AR: variants seen among roughly 807,000 people sequenced by gnomAD.
AR encodes dihydrotestosterone receptor.
In AR, 8 loss-of-function variants were observed where a neutral mutation model predicts 53.9. That is an observed-to-expected ratio of 0.15 (90% CI 0.09 to 0.27). The LOEUF is 0.27. AR is among the 10% of genes least tolerant of loss of function. The pLI, the probability that AR is intolerant of heterozygous loss-of-function variation, is 1.00. For synonymous variants in AR, 359 were observed against 316.4 expected, an observed-to-expected ratio of 1.13 and a Z score of -1.43; for missense variants, 639 against 742.5, an observed-to-expected ratio of 0.86 and a Z score of 1.62.
At chrX:67,688,960 T>A (rs1438178503) in intron 3 of AR, among the ~76,000 whole-genome samples, 1 of 111,717 alleles carries the variant, frequency 9.0e-6, no homozygotes, top group Non-Finnish European at 1.9e-5. Flanking sequence ...ATTGATTACC[T>A]TGAAGAAGAA....
intron 1 of AR, among the ~76,000 whole-genome samples, chrX:67,631,783 G>T (rs1199871366): frequency 8.9e-6 from 1 of 112,200 alleles, no homozygotes; most frequent in Non-Finnish European, 1.9e-5. Flanking sequence ...TCTACTTTTG[G>T]TGTTTGATGA....
At chrX:67,598,351 C>T (rs1200342397) in intron 1 of AR, among the ~76,000 whole-genome samples, 2 of 106,103 alleles carry the variant, frequency 1.9e-5, no homozygotes, top group Non-Finnish European at 3.9e-5. Flanking sequence ...GGCACGATCT[C>T]GGCTCACTGC....
intron 1 of AR, among the ~76,000 whole-genome samples, chrX:67,585,086 T>C (rs1354153867): frequency 2.7e-5 from 3 of 110,590 alleles, no homozygotes; most frequent in African/African-American, 9.9e-5. Flanking sequence ...TGAAACCCCA[T>C]GTCTACTAAA....
At chrX:67,664,077 A>G (rs748866166) in intron 2 of AR, among the ~76,000 whole-genome samples, 10 of 111,380 alleles carry the variant, frequency 9.0e-5, no homozygotes, top group Non-Finnish European at 1.7e-4. Flanking sequence ...TTCCTCCTTT[A>G]GCTCAGAGTA....
intron 2 of AR, among the ~76,000 whole-genome samples, chrX:67,666,016 T>C (rs1927245397): frequency 1.8e-5 from 2 of 111,709 alleles, no homozygotes; most frequent in Non-Finnish European, 3.8e-5. Context: ...TCACCAGAGT[T>C]AATGGGGTAT....
Position 67,728,574 on chromosome X carries a change from A to AATTATATATAT in AR, c.*4735_*4736insTATATATATAT, listed in dbSNP as rs2076167278. ...ATTTGTATCCATGTTTCAAAATTGAAATATATATATATATATATATATATA... is the reference window on the plus strand; with the variant it reads ...ATTTGTATCCATGTTTCAAAATTGAAATTATATATATATATATATATATATATATATATATA... On this transcript the variant is annotated 3_prime_UTR_variant, in exon 8 of 8. Transcript: ENST00000374690. The AATTATATATAT allele has an allele frequency of 3.4e-5, 1 of 29,775 alleles. No individual in the cohort carries two copies. Among genetic ancestry groups the AATTATATATAT allele is most frequent in the Non-Finnish European group, 5.6e-5 (1 of 17,829 alleles). The allele number at this position is 29,775 out of a possible 1,213,427, so 2.5% of individuals were successfully genotyped here. A position where few individuals can be genotyped will look rare whatever the true frequency, so the allele number is the denominator to read the frequency against.
Position 67,633,802 on chromosome X carries a change from G to A in AR, c.1617-9454G>A, listed in dbSNP as rs73532395. On this transcript the variant is annotated intron_variant, in intron 1 of 7. Coordinates refer to ENST00000374690, the MANE Select transcript of AR (RefSeq NM_000044.6). ...GAAAACATTATGCTAGGTGAAAAAA[G>A]CAACTCACAAAAGACTACACTGTAT... 8.6e-3 allele frequency among the ~76,000 whole-genome samples: 958 copies of A among 111,514 alleles called. 13 individuals carry two copies. The highest frequency in any genetic ancestry group is 0.03 in the African/African-American group (915 of 30,700).
intron 1 of AR, among the ~76,000 whole-genome samples, chrX:67,617,207 C>T (rs746884653): frequency 2.6e-4 from 29 of 111,318 alleles, no homozygotes; most frequent in Admixed American, 2.1e-3. Flanking sequence ...GATATTGAGA[C>T]GATTAAATAA....
intron 3 of AR, among the ~76,000 whole-genome samples, chrX:67,689,036 G>T (rs909965015): frequency 9.0e-6 from 1 of 111,039 alleles, no homozygotes; most frequent in African/African-American, 3.3e-5. Context: ...TTCCAAAATG[G>T]CAACTAGGAA....
intron 3 of AR, among the ~76,000 whole-genome samples, chrX:67,693,587 G>T (rs915664307): frequency 1.8e-5 from 2 of 111,907 alleles, no homozygotes; most frequent in African/African-American, 6.5e-5. Context: ...ACCTGAGCAA[G>T]CTGCTTTTTG....
chrX:67,692,854 G>T (rs1433928836), intron 3 of AR, among the ~76,000 whole-genome samples: 1 of 111,319 alleles, frequency 9.0e-6, no homozygotes, highest in Non-Finnish European at 1.9e-5. Flanking sequence ...TTGTTCTTTG[G>T]TCTGTAAATT....
At chrX:67,703,760 A>G (rs1363526963) in intron 3 of AR, among the ~76,000 whole-genome samples, 3 of 111,273 alleles carry the variant, frequency 2.7e-5, no homozygotes, top group Admixed American at 9.6e-5. Context: ...CTCCTTATTT[A>G]CATTAAGTAT....
chrX:67,694,588 G>A, intron 3 of AR: 1 of 1,134,904 alleles, frequency 8.8e-7, no homozygotes, highest in Non-Finnish European at 1.2e-6. Context: ...TAGAGGATCT[G>A]TCTTAGGCAT....
chrX:67,662,024 G>A (rs1480129986), intron 2 of AR, among the ~76,000 whole-genome samples: 1 of 111,675 alleles, frequency 9.0e-6, no homozygotes, highest in Admixed American at 9.5e-5. Flanking sequence ...ACTTCTGTGG[G>A]ATCGGTGATT....
intron 3 of AR, among the ~76,000 whole-genome samples, chrX:67,705,972 A>C (rs1470389011): frequency 1.8e-5 from 2 of 112,127 alleles, no homozygotes; most frequent in African/African-American, 6.5e-5. Flanking sequence ...ATGTGGAACC[A>C]GTCTTGCATC....
chrX:67,662,662 T>C (rs1926998909), intron 2 of AR, among the ~76,000 whole-genome samples: 1 of 111,420 alleles, frequency 9.0e-6, no homozygotes, highest in Non-Finnish European at 1.9e-5. Flanking sequence ...AAAGAATGTA[T>C]ATTCTGTTGA....
chrX:67,689,651 A>G (rs1174534738), intron 3 of AR: 1 of 915,060 alleles, frequency 1.1e-6, no homozygotes, highest in Non-Finnish European at 1.4e-6. Flanking sequence ...GCTCATCCAC[A>G]ACAGAGATCA....
At chrX:67,588,642 T>C (rs1358586883) in intron 1 of AR, among the ~76,000 whole-genome samples, 1 of 112,399 alleles carries the variant, frequency 8.9e-6, no homozygotes, top group East Asian at 2.8e-4. Context: ...CAGAATGTGA[T>C]AGTGACAAGC....
At chrX:67,550,721 A>G (rs1929958985) in intron 1 of AR, among the ~76,000 whole-genome samples, 1 of 108,192 alleles carries the variant, frequency 9.2e-6, no homozygotes, top group Admixed American at 9.9e-5. Flanking sequence ...GGAAAAGGAA[A>G]TCTCTCCCTA....
Sources: allele counts gnomAD v4.1 joint callset (sites outside exome capture counted in the v4.1 genomes callset), GRCh38; gene constraint gnomAD v4.1.1; transcripts MANE v1.5; gene names NCBI Gene and HGNC (gene_info 2026-07-23, HGNC 2026-07-21).